Variants in TCF12 observed in about 807,000 individuals in gnomAD.
The protein encoded by TCF12 is transcription factor 12, also known as DNA-binding protein HTF4.
TCF12 carries 45 observed loss-of-function variants against 86.0 expected under a neutral mutation model. The ratio of observed to expected loss-of-function variants is 0.52; its 90% CI spans 0.41 to 0.67. The LOEUF is 0.67. TCF12 is among the 30% of genes least tolerant of loss of function. TCF12 has a pLI of 0.00. For synonymous variants in TCF12, 330 were observed against 299.6 expected (o/e 1.10, Z -1.05); for missense variants, 881 against 859.9 (o/e 1.02, Z -0.31).
chr15:57,064,656 C>T (rs955682179), intron 4 of TCF12, among the ~76,000 whole-genome samples: 6 of 151,626 alleles, frequency 4.0e-5, no homozygotes, highest in Non-Finnish European at 5.9e-5. Context: ...TTAGCCAAGG[C>T]GTGGGGGTGG....
chr15:57,085,284 G>A (rs1312802624), intron 4 of TCF12, among the ~76,000 whole-genome samples: 3 of 152,194 alleles, frequency 2.0e-5, no homozygotes, highest in Non-Finnish European at 2.9e-5. Flanking sequence ...CTGGATGACA[G>A]AATCTATCTC....
chr15:57,228,937 G>C (rs913751838), intron 8 of TCF12, among the ~76,000 whole-genome samples: 57 of 151,846 alleles, frequency 3.8e-4, no homozygotes, highest in African/African-American at 1.4e-3. Context: ...TCTATAACCT[G>C]GATAAAATTA....
At chr15:57,068,499 C>T (rs1401600858) in intron 4 of TCF12, among the ~76,000 whole-genome samples, 2 of 151,988 alleles carry the variant, frequency 1.3e-5, no homozygotes, top group Non-Finnish European at 2.9e-5. Context: ...AATCAATTTC[C>T]CCTCTTCAAC....
At chr15:57,056,715 TCCC>T (rs2068059192) in intron 3 of TCF12, among the ~76,000 whole-genome samples, 1 of 152,116 alleles carries the variant, frequency 6.6e-6, no homozygotes, top group African/African-American at 2.4e-5. Flanking sequence ...TGCCTTGGCC[TCCC>T]AAAGTGCTGG....
At chr15:56,957,107 T>A (rs1427539988) in intron 3 of TCF12, among the ~76,000 whole-genome samples, 2 of 152,232 alleles carry the variant, frequency 1.3e-5, no homozygotes, top group Admixed American at 6.5e-5. Context: ...GATGCTTCCA[T>A]CATGTTACAA....
chr15:57,124,622 G>A lies in TCF12; in HGVS notation c.325+32731G>A, dbSNP rs2051495451. On this transcript the variant is annotated intron_variant, in intron 5 of 20. Coordinates refer to ENST00000333725, the MANE Select transcript of TCF12 (RefSeq NM_207037.2). ...GCTGGCCTCCAACTGCTAATATCCT[G>A]TCAGTGCACTAACATTTTCACCAGA... is the stretch of plus-strand genomic sequence containing the variant. Among the ~76,000 whole-genome samples, 5 of 152,050 alleles carry A rather than the reference G, an allele frequency of 3.3e-5. No individual in the cohort carries two copies. The South Asian group carries it at 6.2e-4, about 19-fold the overall frequency.
intron 3 of TCF12, among the ~76,000 whole-genome samples, chr15:57,062,025 C>T (rs765260359): frequency 3.2e-4 from 48 of 151,858 alleles, no homozygotes; most frequent in Admixed American, 2.5e-3. Context: ...GGCACAATCT[C>T]GGCTCACTGC....
chr15:56,963,831 G>C (rs186099149), intron 3 of TCF12, among the ~76,000 whole-genome samples: 2 of 152,332 alleles, frequency 1.3e-5, no homozygotes, highest in Admixed American at 6.5e-5. Flanking sequence ...GGAGGAATTG[G>C]GGAGATTGGG....
At chr15:57,148,895 A>G (rs1456170671) in intron 5 of TCF12, among the ~76,000 whole-genome samples, 2 of 152,002 alleles carry the variant, frequency 1.3e-5, no homozygotes, top group African/African-American at 4.8e-5. Flanking sequence ...AGAAAGCTCA[A>G]ATGTACTTAC....
At chr15:57,220,170 A>G (rs1364113458) in intron 8 of TCF12, among the ~76,000 whole-genome samples, 2 of 152,208 alleles carry the variant, frequency 1.3e-5, no homozygotes, top group East Asian at 3.8e-4. Context: ...TGATATCTTT[A>G]CTAGCAATGA....
chr15:57,061,241 A>G (rs1406065882), intron 3 of TCF12, among the ~76,000 whole-genome samples: 6 of 152,148 alleles, frequency 3.9e-5, no homozygotes, highest in Admixed American at 1.3e-4. Flanking sequence ...TTTGCTTGAG[A>G]TGTTCTCTGT....
chr15:56,978,388 T>A (rs1195859544), intron 3 of TCF12, among the ~76,000 whole-genome samples: 1 of 151,952 alleles, frequency 6.6e-6, no homozygotes, highest in Non-Finnish European at 1.5e-5. Flanking sequence ...GTATTAATAT[T>A]TATATGAACG....
intron 3 of TCF12, among the ~76,000 whole-genome samples, chr15:57,060,766 A>G (rs1284314403): frequency 6.6e-6 from 1 of 152,156 alleles, no homozygotes; most frequent in Admixed American, 6.5e-5. Flanking sequence ...ATTTTGGTCA[A>G]TTTGTATAAT....
At chr15:57,113,817 G>A (rs928802529) in intron 5 of TCF12, among the ~76,000 whole-genome samples, 3 of 151,010 alleles carry the variant, frequency 2.0e-5, no homozygotes, top group Non-Finnish European at 2.9e-5. Context: ...TAGGCGGGTC[G>A]TGGTGGCATG....
At chr15:56,940,885 A>G (rs972690129) in intron 3 of TCF12, among the ~76,000 whole-genome samples, 3 of 149,348 alleles carry the variant, frequency 2.0e-5, no homozygotes, top group Non-Finnish European at 3.0e-5. Flanking sequence ...CCTCCTGAGG[A>G]TAACAGGTGT....
intron 3 of TCF12, among the ~76,000 whole-genome samples, chr15:57,019,911 G>A (rs1284090781): frequency 6.6e-6 from 1 of 151,900 alleles, no homozygotes; most frequent in African/African-American, 2.4e-5. Context: ...CAAGGAGGGG[G>A]ATTAGTTTTA....
At chr15:56,927,706 C>T (rs908801116) in intron 3 of TCF12, among the ~76,000 whole-genome samples, 3 of 152,032 alleles carry the variant, frequency 2.0e-5, no homozygotes, top group Admixed American at 6.6e-5. Flanking sequence ...TTAGGAGATG[C>T]AAATTTTGTT....
intron 3 of TCF12, among the ~76,000 whole-genome samples, chr15:56,977,582 G>A (rs1476384085): frequency 6.7e-6 from 1 of 149,306 alleles, no homozygotes; most frequent in African/African-American, 2.5e-5. Flanking sequence ...TGTGGAGAGA[G>A]AGAGACACAC....
At chr15:57,118,937 A>T (rs1280068015) in intron 5 of TCF12, among the ~76,000 whole-genome samples, 3 of 152,034 alleles carry the variant, frequency 2.0e-5, no homozygotes, top group Non-Finnish European at 2.9e-5. Flanking sequence ...CAAAGCTAAC[A>T]TTTTTTTCCT....
Sources: gnomAD v4.1 joint callset for allele counts (sites outside exome capture counted in the v4.1 genomes callset) on GRCh38, gnomAD v4.1.1 for gene constraint, MANE v1.5 for transcripts, NCBI Gene and HGNC (gene_info 2026-07-23, HGNC 2026-07-21) for gene names.